REXO4: variants seen among roughly 807,000 people sequenced by gnomAD.
REXO4 encodes the protein REX4 homolog, 3'-5' exonuclease.
A neutral mutation model predicts 39.9 loss-of-function variants in REXO4; 29 were observed. The observed-to-expected ratio is 0.73, with a 90% CI of 0.54 to 0.99. REXO4 has a LOEUF of 0.99. Among genes scored for constraint, REXO4 ranks in the 50% least tolerant of loss-of-function variants. The pLI is 0.00. For synonymous variants in REXO4, 184 were observed against 206.2 expected, an observed-to-expected ratio of 0.89 and a Z score of 0.92; for missense variants, 524 against 546.5, an observed-to-expected ratio of 0.96 and a Z score of 0.41.
Position 133,414,736 on chromosome 9 carries a change from A to G in REXO4, c.501T>C (p.Ile167=). ...KGTKERTNGD[I]VPERGDIEHK... is the part of the protein sequence containing the mutation. ...GCTCGATGTCCCCTCGTTCTGGAAC[A>G]ATATCACCATTTGTCCTTTCCTTGG... Residue 167 remains isoleucine (I), a synonymous_variant, in exon 2 of 8, where the codon ATT becomes ATC. Transcript: ENST00000371942. 6.2e-7 allele frequency: 1 copy of G among 1,614,124 alleles called. No homozygotes were observed. The highest frequency in any genetic ancestry group is 1.1e-5 in the South Asian group (1 of 91,064).
intron 2 of REXO4, 73 bp downstream of exon 2, chr9:133,414,592 G>T: frequency 7.4e-7 from 1 of 1,349,720 alleles, no homozygotes; most frequent in Non-Finnish European, 1.1e-6. Flanking sequence ...GAGGCCACCA[G>T]CCTCCATAAG....
intron 5 of REXO4, among the ~76,000 whole-genome samples, chr9:133,409,984 C>T (rs901680591): frequency 6.6e-6 from 1 of 152,200 alleles, no homozygotes; most frequent in Non-Finnish European, 1.5e-5. Flanking sequence ...ACAGCAGGAG[C>T]ACACAGAAGA....
chr9:133,417,691 C>A lies in REXO4; in HGVS notation c.154G>T (p.Gly52Cys). The change falls in exon 1 of 8, where the codon GGC (glycine) becomes TGC (cysteine). Residue 52 changes from glycine (G) to cysteine (C), a missense_variant. Coordinates refer to ENST00000371942, the MANE Select transcript of REXO4 (RefSeq NM_020385.4). Reference protein sequence around the residue: ...AREVSKKPASGPGAVVRPPKA... With the variant: ...AREVSKKPASCPGAVVRPPKA... ...GGAGGTCGCACCACAGCACCGGGGCCGCTTGCTGGCTTCTTGCTTACTTCC... is the reference window on the plus strand; with the variant it reads ...GGAGGTCGCACCACAGCACCGGGGCAGCTTGCTGGCTTCTTGCTTACTTCC... 1 of 1,614,146 alleles carries A rather than the reference C, an allele frequency of 6.2e-7. No individual in the cohort carries two copies. Among genetic ancestry groups the A allele is most frequent in the South Asian group, 1.1e-5 (1 of 91,088 alleles).
Position 133,407,817 on chromosome 9 carries a change from T to G in REXO4, c.1139A>C (p.Glu380Ala). ...ACAGGACACACTTACTGAACAGTGC[T>G]CCGCCTGCTGGACCTGGAGCCCAAG... ...KILGLQVQQA[E>A]HCSIQDAQAA... The change falls in exon 7 of 8, where the codon GAG (glutamate) becomes GCG (alanine). Residue 380 changes from glutamate to alanine, a missense_variant. Coordinates refer to ENST00000371942, the MANE Select transcript of REXO4 (RefSeq NM_020385.4). The G allele has an allele frequency of 6.2e-7, 1 of 1,613,840 alleles. No homozygotes were observed. Among genetic ancestry groups the G allele is most frequent in the Non-Finnish European group, 8.5e-7 (1 of 1,179,918 alleles).
rs782674449 is a variant in REXO4, at chr9:133,412,770, C to T, written c.716+8G>A. On this transcript the variant is annotated splice_region_variant and intron_variant, in intron 3 of 7. Transcript: ENST00000371942. ...CCCAGCAGACCCCACTCCCTGAGAC[C>T]AGCGTACCCGCCGAAGGCCTGCTCT... 1.2e-6 allele frequency: 2 copies of T among 1,609,602 alleles called. No individual in the cohort carries two copies. The highest frequency in any genetic ancestry group is 4.5e-5 in the East Asian group (2 of 44,898).
In REXO4 at chr9:133,407,013, G is replaced by A; in HGVS notation, c.1209C>T (p.Ser403=). ...LYVMVKKEWE[S]MARDRRPLLT... is the part of the protein sequence containing the mutation. ...GCAGGGGGCGCCTGTCTCGGGCCAT[G>A]CTCTCCCACTCCTTCTTCACCATGA... The change falls in exon 8 of 8, where the codon AGC becomes AGT. Residue 403 remains serine, a synonymous_variant. Coordinates refer to ENST00000371942, the MANE Select transcript of REXO4 (RefSeq NM_020385.4). 1.9e-6 allele frequency: 3 copies of A among 1,613,224 alleles called. No homozygotes were observed. The highest frequency in any genetic ancestry group is 1.7e-6 in the Non-Finnish European group (2 of 1,180,020).
At chr9:133,413,886 A>G (rs191744659) in intron 2 of REXO4, among the ~76,000 whole-genome samples, 42 of 152,290 alleles carry the variant, frequency 2.8e-4, no homozygotes, top group African/African-American at 9.9e-4. Flanking sequence ...TATCCCAGAC[A>G]GCCTGCCTAG....
intron 4 of REXO4, among the ~76,000 whole-genome samples, chr9:133,412,019 A>G (rs923609595): frequency 6.6e-6 from 1 of 152,000 alleles, no homozygotes; most frequent in African/African-American, 2.4e-5. Flanking sequence ...CTCCCTCCTC[A>G]GCCTCCTGAG....
At chr9:133,414,352 A>G (rs782259786) in intron 2 of REXO4, 5 of 570,300 alleles carry the variant, frequency 8.8e-6, no homozygotes, top group South Asian at 7.7e-5. Context: ...CTTGCCCCAA[A>G]CCACCCAACT....
intron 2 of REXO4, among the ~76,000 whole-genome samples, chr9:133,414,061 G>C (rs1554780865): frequency 6.6e-6 from 1 of 152,250 alleles, no homozygotes. Flanking sequence ...TGGGTGGCCA[G>C]CACAGGGTTT....
At chr9:133,414,389 C>G (rs188462603) in intron 2 of REXO4, 101 of 647,026 alleles carry the variant, frequency 1.6e-4, no homozygotes, top group Non-Finnish European at 2.6e-4. Context: ...AGGCCTCATA[C>G]TTGGGTCTTT....
chr9:133,410,930 A>C, intron 5 of REXO4, 55 bp downstream of exon 5: 1 of 1,279,430 alleles, frequency 7.8e-7, no homozygotes, highest in African/African-American at 1.5e-5. Context: ...CAAGGGCGTG[A>C]GTGTAACACC....
rs1554779571 is a variant in REXO4, at chr9:133,408,934, T to TTGTATGTG, written c.1000-93_1000-92insCACATACA. ...CCGCCACCTTTTGCAAGTAACATCT[T>TTGTATGTG]TGTGTGTGTGTGTGTGTGTGTGTGT... On this transcript the variant is annotated intron_variant, in intron 5 of 7. Coordinates refer to ENST00000371942, the MANE Select transcript of REXO4 (RefSeq NM_020385.4). 1.9e-5 allele frequency: 6 copies of TTGTATGTG among 318,254 alleles called. No individual in the cohort carries two copies. The East Asian group carries it at 2.3e-4, about 12-fold the overall frequency. The allele number at this position is 318,254 out of a possible 1,614,324, so 19.7% of individuals were successfully genotyped here. A position where few individuals can be genotyped will look rare whatever the true frequency, so the allele number is the denominator to read the frequency against.
In REXO4 at chr9:133,414,649, G is replaced by C. The variant is rs1554781088; in HGVS notation, c.572+16C>G. On this transcript the variant is annotated intron_variant, in intron 2 of 7. Coordinates refer to ENST00000371942, the MANE Select transcript of REXO4 (RefSeq NM_020385.4). ...GCTGTGCCTCGGTTCTCAGTGGTGAGGTGGCCCATACTTACTCGGTGGGTG... is the reference window on the plus strand; with the variant it reads ...GCTGTGCCTCGGTTCTCAGTGGTGACGTGGCCCATACTTACTCGGTGGGTG... 1 of 1,611,580 alleles carries C rather than the reference G, an allele frequency of 6.2e-7. No individual in the cohort carries two copies. The highest frequency in any genetic ancestry group is 8.5e-7 in the Non-Finnish European group (1 of 1,177,688).
intron 2 of REXO4, 46 bp from the exon 3 acceptor site, chr9:133,412,967 A>C (rs1454464836): frequency 1.3e-6 from 2 of 1,598,744 alleles, no homozygotes; most frequent in East Asian, 4.5e-5. Context: ...ACCCTAGTGC[A>C]ACTGGTGGGG....
chr9:133,408,933 T>TG (rs1491207917), intron 5 of REXO4, 91 bp from the exon 6 acceptor site: 58,327 of 396,824 alleles, frequency 0.15, 8,940 homozygotes, highest in South Asian at 0.18. Flanking sequence ...AAGTAACATC[T>TG]TTGTGTGTGT....
Position 133,411,044 on chromosome 9 carries a change from C to T in REXO4, c.940G>A (p.Val314Met), listed in dbSNP as rs1358229175. The T allele has an allele frequency of 1.2e-6, 2 of 1,614,074 alleles. No homozygotes were observed. The highest frequency in any genetic ancestry group is 8.5e-7 in the Non-Finnish European group (1 of 1,180,042). ...ATTCTGCCCTTCAGCATCTCTGCCA[C>T]TTCCTTCTGAACAACTTCAAGCTCT... ...GEELEVVQKE[V>M]AEMLKGRILV... The change falls in exon 5 of 8, where the codon GTG becomes ATG. Residue 314 changes from valine (V) to methionine (M), a missense_variant. Physicochemically the swap from Val to Met is conservative, Grantham distance 21. Transcript: ENST00000371942.
Position 133,412,349 on chromosome 9 carries a change from G to A in REXO4, c.860C>T (p.Thr287Met), listed in dbSNP as rs782245135. Residue 287 changes from threonine to methionine, a missense_variant, in exon 4 of 8, where the codon ACG becomes ATG. Thr to Met is a moderately conservative substitution (Grantham distance 81). Coordinates refer to ENST00000371942, the MANE Select transcript of REXO4 (RefSeq NM_020385.4). The part of the protein sequence containing the change: ...DKYVKPTEPV[T>M]DYRTAVSGIR... ...CCCACTGACCGCTGTCCTATAGTCC[G>A]TCACGGGCTCGGTTGGTTTGACGTA... 15 of 1,613,954 alleles carry A rather than the reference G, an allele frequency of 9.3e-6. No individual in the cohort carries two copies. The highest frequency in any genetic ancestry group is 1.1e-5 in the Non-Finnish European group (13 of 1,180,036).
At chr9:133,414,502 A>G (rs1411330974) in intron 2 of REXO4, 163 bp downstream of exon 2, 1 of 743,232 alleles carries the variant, frequency 1.3e-6, no homozygotes, top group Admixed American at 2.0e-5. Context: ...TATCATGCGC[A>G]CACTCTAGGG....
Sources: gnomAD v4.1 joint callset for allele counts (sites outside exome capture counted in the v4.1 genomes callset) on GRCh38, gnomAD v4.1.1 for gene constraint, MANE v1.5 for transcripts, NCBI Gene and HGNC (gene_info 2026-07-23, HGNC 2026-07-21) for gene names.